GPX2: variants seen among roughly 807,000 people sequenced by gnomAD.
GPX2 encodes glutathione peroxidase 2.
Under a neutral mutation model 14.1 loss-of-function variants are expected in GPX2, and 21 were observed. That is an observed-to-expected ratio of 1.48 (90% confidence interval 1.05 to 2.14). The LOEUF is 2.14. GPX2 is among the 30% of genes most tolerant of loss of function. The pLI is 0.00. For missense variants in GPX2, 241 were observed against 249.8 expected (o/e 0.96, Z 0.24); for synonymous variants, 94 against 95.2 (o/e 0.99, Z 0.07).
rs1885595389 is a variant in GPX2, at chr14:64,940,855, C to T, written c.223-1017G>A. ...TTCCCTCCCCACTGCCATCCCTGTC[C>T]TATTCCCTCTCAGCATCACCATTCA... On this transcript the variant is annotated intron_variant, in intron 1 of 1. Coordinates refer to ENST00000389614, the MANE Select transcript of GPX2 (RefSeq NM_002083.4). The surrounding 1 kb of genome is among the most constrained non-coding windows in gnomAD (Gnocchi z 4.5). Among the ~76,000 whole-genome samples, 2 of 152,202 alleles carry T rather than the reference C, an allele frequency of 1.3e-5. No individual in the cohort carries two copies. The highest frequency in any genetic ancestry group is 2.9e-5 in the Non-Finnish European group (2 of 68,040).
At chr14:64,942,354 G>C (rs951110121) in intron 1 of GPX2, 151 bp downstream of exon 1, 1 of 628,192 alleles carries the variant, frequency 1.6e-6, no homozygotes, top group Admixed American at 2.9e-5. Flanking sequence ...ACCTTCTCTT[G>C]GTATGTCACA....
intron 1 of GPX2, among the ~76,000 whole-genome samples, chr14:64,941,156 TC>T (rs1416979851): frequency 6.6e-6 from 1 of 152,172 alleles, no homozygotes; most frequent in Non-Finnish European, 1.5e-5. Flanking sequence ...AGCCTCGACT[TC>T]CCAGGCTCAG....
rs775839258 is a variant in GPX2, at chr14:64,939,490, A to G, written c.571T>C (p.Ter191GlnextTer?). The change falls in exon 2 of 2, where the codon TAG (stop) becomes CAG (glutamine). Residue 191 changes from the stop codon to glutamine (Q), a stop_lost. Coordinates refer to ENST00000389614, the MANE Select transcript of GPX2 (RefSeq NM_002083.4). The surrounding 1 kb of genome is among the most constrained non-coding windows in gnomAD (Gnocchi z 5.7). ...DIKRLLKVAI[*>Q] ...TCTGTGTGTTGAGCAGTTCACATCT[A>G]TATGGCAACTTTAAGGAGGCGCTTG... 6.2e-7 allele frequency: 1 copy of G among 1,612,740 alleles called. No individual in the cohort carries two copies. Among genetic ancestry groups the G allele is most frequent in the Admixed American group, 1.7e-5 (1 of 59,954 alleles).
Position 64,939,458 on chromosome 14 carries a change from T to A in GPX2, c.*30A>T, listed in dbSNP as rs1409263922. On this transcript the variant is annotated 3_prime_UTR_variant, in exon 2 of 2. Coordinates refer to ENST00000389614, the MANE Select transcript of GPX2 (RefSeq NM_002083.4). This position sits in a 1 kb window ranked among gnomAD's most constrained non-coding sequence, Gnocchi z 5.7. ...TAAGGCTCCTCAGGACTGGATGGAG[T>A]AGGAGATCTGTGTGTTGAGCAGTTC... The A allele has an allele frequency of 1.2e-5, 18 of 1,553,904 alleles. No homozygotes were observed. The highest frequency in any genetic ancestry group is 1.6e-5 in the Non-Finnish European group (18 of 1,131,592).
intron 1 of GPX2, chr14:64,941,266 C>T (rs1302937427): frequency 1.2e-6 from 1 of 833,236 alleles, no homozygotes; most frequent in African/African-American, 1.9e-5. Context: ...CAAGGTTTCA[C>T]CATGTTGCTC....
intron 1 of GPX2, 142 bp downstream of exon 1, chr14:64,942,363 C>A: frequency 6.2e-6 from 4 of 649,044 alleles, no homozygotes; most frequent in Middle Eastern, 4.3e-4. Flanking sequence ...TGGTATGTCA[C>A]ATGCACCTAA....
Position 64,940,072 on chromosome 14 carries a change from A to T in GPX2, c.223-234T>A. 1 of 1,444,946 alleles carries T rather than the reference A, an allele frequency of 6.9e-7. No individual in the cohort carries two copies. The highest frequency in any genetic ancestry group is 2.1e-5 in the Admixed American group (1 of 46,646). The allele number at this position is 1,444,946 out of a possible 1,614,324, so 89.5% of individuals were successfully genotyped here. A position where few individuals can be genotyped will look rare whatever the true frequency, so the allele number is the denominator to read the frequency against. ...GCTGAGACTACAGACACAGGCCACC[A>T]TGCCCGGCTAATTTTTTTTTTTTTT... On this transcript the variant is annotated intron_variant, in intron 1 of 1. Coordinates refer to ENST00000389614, the MANE Select transcript of GPX2 (RefSeq NM_002083.4). This position sits in a 1 kb window ranked among gnomAD's most constrained non-coding sequence, Gnocchi z 4.5.
At position 64,940,160 on chromosome 14, in the gene GPX2, T is replaced by G. The variant is rs747402230; in HGVS notation, c.223-322A>C. 3.0e-6 allele frequency: 4 copies of G among 1,344,194 alleles called. No individual in the cohort carries two copies. The highest frequency in any genetic ancestry group is 3.9e-6 in the Non-Finnish European group (4 of 1,025,086). 83.3% of individuals were successfully genotyped at this position (1,344,194 alleles called of 1,614,324 possible). On this transcript the variant is annotated intron_variant, in intron 1 of 1. Coordinates refer to ENST00000389614, the MANE Select transcript of GPX2 (RefSeq NM_002083.4). This position sits in a 1 kb window ranked among gnomAD's most constrained non-coding sequence, Gnocchi z 4.5. ...GCTGCTCTTCAAGATTTAGCACTTC[T>G]GAGCTGTTGCTTTTGTCTCCAGTCT...
In GPX2 at chr14:64,939,390, A is replaced by T; in HGVS notation, c.*98T>A. 1 of 874,040 alleles carries T rather than the reference A, an allele frequency of 1.1e-6. No individual in the cohort carries two copies. Among genetic ancestry groups the T allele is most frequent in the Non-Finnish European group, 1.8e-6 (1 of 541,294 alleles). 54.1% of individuals were successfully genotyped at this position (874,040 alleles called of 1,614,324 possible). A position where few individuals can be genotyped will look rare whatever the true frequency, so the allele number is the denominator to read the frequency against. ...CAGTGAAGGGGACTGATATCAAGGG[A>T]ATGCTGAGGTCCAGCAGTGTCTCCT... is the stretch of plus-strand genomic sequence containing the variant. On this transcript the variant is annotated 3_prime_UTR_variant, in exon 2 of 2. Transcript: ENST00000389614. This position sits in a 1 kb window ranked among gnomAD's most constrained non-coding sequence, Gnocchi z 5.7.
Position 64,939,862 on chromosome 14 carries a change from G to A in GPX2, c.223-24C>T, listed in dbSNP as rs770858720. Reference sequence around the variant, plus strand: ...TCCTAGGGGAGGAAAAAGACAAAGTGCGTGGACAGTGGGTGGGGGAAGAGA... The same window carrying A: ...TCCTAGGGGAGGAAAAAGACAAAGTACGTGGACAGTGGGTGGGGGAAGAGA... On this transcript the variant is annotated intron_variant, in intron 1 of 1. Transcript: ENST00000389614. The surrounding 1 kb of genome is among the most constrained non-coding windows in gnomAD (Gnocchi z 5.7). 3.7e-6 allele frequency: 6 copies of A among 1,607,660 alleles called. No homozygotes were observed. The highest frequency in any genetic ancestry group is 1.7e-5 in the Admixed American group (1 of 59,754).
rs377441253 is a variant in GPX2 at position 64,942,515 on chromosome 14, A to C, written c.212T>G (p.Phe71Cys). 2 of 1,614,080 alleles carry C rather than the reference A, an allele frequency of 1.2e-6. No homozygotes were observed. The highest frequency in any genetic ancestry group is 1.1e-5 in the South Asian group (1 of 91,082). The change falls in exon 1 of 2, where the codon TTT becomes TGT. Residue 71 changes from phenylalanine to cysteine, a missense_variant. Coordinates refer to ENST00000389614, the MANE Select transcript of GPX2 (RefSeq NM_002083.4). Reference protein sequence around the residue: ...LVVLGFPCNQFGHQENCQNEE... With the variant: ...LVVLGFPCNQCGHQENCQNEE... ...GGAGGGACCCCTCACCTGATGTCCAAATTGGTTGCAAGGGAAGCCAAGGAC... is the reference window on the plus strand; with the variant it reads ...GGAGGGACCCCTCACCTGATGTCCACATTGGTTGCAAGGGAAGCCAAGGAC...
intron 1 of GPX2, chr14:64,941,344 AG>A: frequency 8.0e-7 from 1 of 1,244,084 alleles, no homozygotes; most frequent in Non-Finnish European, 1.0e-6. Flanking sequence ...CTGGGATTAT[AG>A]GTGTGAGCCA....
chr14:64,940,048 C>CT lies in GPX2; in HGVS notation c.223-211dup, dbSNP rs1885542946. 1 of 1,478,546 alleles carries CT rather than the reference C, an allele frequency of 6.8e-7. No homozygotes were observed. 91.6% of individuals were successfully genotyped at this position (1,478,546 alleles called of 1,614,324 possible). A position where few individuals can be genotyped will look rare whatever the true frequency, so the allele number is the denominator to read the frequency against. On this transcript the variant is annotated intron_variant, in intron 1 of 1. Transcript: ENST00000389614. This position sits in a 1 kb window ranked among gnomAD's most constrained non-coding sequence, Gnocchi z 4.5. Reference sequence around the variant, plus strand: ...CCTCCTGCTTCAGCCTCTTTAGTAGCTGAGACTACAGACACAGGCCACCAT... The same window carrying CT: ...CCTCCTGCTTCAGCCTCTTTAGTAGCTTGAGACTACAGACACAGGCCACCAT...
Position 64,942,558 on chromosome 14 carries a change from A to G in GPX2, c.169T>C (p.Phe57Leu). 5.6e-6 allele frequency: 9 copies of G among 1,614,216 alleles called. No homozygotes were observed. The South Asian group carries it at 8.8e-5, about 16-fold the overall frequency. Residue 57 changes from phenylalanine to leucine, a missense_variant, in exon 1 of 2, where the codon TTT (phenylalanine) becomes CTT (leucine). Transcript: ENST00000389614. ...FTQLNELQCR[F>L]PRRLVVLGFP... ...CCAAGGACCACCAGGCGCCTGGGAA[A>G]GCGGCATTGCAGCTCGTTGAGCTGG...
chr14:64,940,445 T>C lies in GPX2; in HGVS notation c.223-607A>G, dbSNP rs1475020128. Among the ~76,000 whole-genome samples the C allele has an allele frequency of 6.6e-6, 1 of 152,228 alleles. No individual in the cohort carries two copies. The highest frequency in any genetic ancestry group is 2.4e-5 in the African/African-American group (1 of 41,460). On this transcript the variant is annotated intron_variant, in intron 1 of 1. Transcript: ENST00000389614. The surrounding 1 kb of genome is among the most constrained non-coding windows in gnomAD (Gnocchi z 4.5). ...AATTGAGACCCAGAGGAATGGGATT[T>C]ACAGCTTCTTGCTTTCTTCTTGCCT... is the stretch of plus-strand genomic sequence containing the variant.
In GPX2 at chr14:64,939,621, C is replaced by T. The variant is rs201564719; in HGVS notation, c.440G>A (p.Arg147His). The T allele has an allele frequency of 1.8e-5, 29 of 1,614,126 alleles. No individual in the cohort carries two copies. The highest frequency in any genetic ancestry group is 1.3e-4 in the Admixed American group (8 of 60,016). Residue 147 changes from arginine to histidine, a missense_variant, in exon 2 of 2, where the codon CGC (arginine) becomes CAC (histidine). Physicochemically the swap from Arg to His is conservative, Grantham distance 29. Transcript: ENST00000389614. The surrounding 1 kb of genome is among the most constrained non-coding windows in gnomAD (Gnocchi z 5.7). ...PKLIIWSPVR[R>H]SDVAWNFEKF... ...CTCAAAGTTCCAGGCCACATCTGAG[C>T]GGCGCACAGGGCTCCAAATGATGAG...
At chr14:64,941,607 G>A in intron 1 of GPX2, 4 of 1,149,474 alleles carry the variant, frequency 3.5e-6, no homozygotes, top group Non-Finnish European at 4.5e-6. Flanking sequence ...CACAGCCAGT[G>A]ATGCTTCAGC....
chr14:64,941,366 G>A, intron 1 of GPX2: 1 of 1,275,728 alleles, frequency 7.8e-7, no homozygotes, highest in South Asian at 1.3e-5. Flanking sequence ...CTGTACCCTG[G>A]CAGATTTCTA....
rs1337527591 is a variant in GPX2, at chr14:64,942,612, G to T, written c.115C>A (p.Leu39Ile). The change falls in exon 1 of 2, where the codon CTC becomes ATC. Residue 39 changes from leucine to isoleucine, a missense_variant. Coordinates refer to ENST00000389614, the MANE Select transcript of GPX2 (RefSeq NM_002083.4). The part of the protein sequence containing the change: ...RAVLIENVAS[L>I]UGTTTRDFTQ... ...AAGTCCCGGGTGGTTGTGCCTCAGA[G>T]CGAAGCCACATTCTCAATCAGCACG... 13 of 1,614,204 alleles carry T rather than the reference G, an allele frequency of 8.1e-6. No individual in the cohort carries two copies. Among genetic ancestry groups the T allele is most frequent in the Middle Eastern group, 1.6e-4 (1 of 6,062 alleles).
Sources: gnomAD v4.1 joint callset for allele counts (sites outside exome capture counted in the v4.1 genomes callset) on GRCh38, gnomAD v4.1.1 for gene constraint, Gnocchi (gnomAD v3.1) non-coding constraint, MANE v1.5 for transcripts, NCBI Gene and HGNC (gene_info 2026-07-23, HGNC 2026-07-21) for gene names.